UTS2: variants seen among roughly 807,000 people sequenced by gnomAD.
UTS2 encodes urotensin-2.
UTS2 carries 10 observed loss-of-function variants against 12.6 expected under a neutral mutation model. That is an observed-to-expected ratio of 0.80 (90% CI 0.49 to 1.35). UTS2 has a LOEUF of 1.35. UTS2 is among the 40% of genes most tolerant of loss of function. UTS2 has a pLI of 0.00. For synonymous variants in UTS2, 52 were observed against 50.0 expected (o/e 1.04, Z -0.17); for missense variants, 142 against 143.2 (o/e 0.99, Z 0.04).
At chr1:7,876,329 T>C in the UTS2 span, among the ~76,000 whole-genome samples, 5 of 152,160 alleles carry the variant, frequency 3.3e-5, no homozygotes, top group African/African-American at 9.7e-5. Context: ...GGCCGAGGAA[T>C]TGACCCATCC....
chr1:7,909,546 C>CA, the UTS2 span, among the ~76,000 whole-genome samples: 108 of 104,136 alleles, frequency 1.0e-3, no homozygotes, highest in African/African-American at 1.2e-3. Flanking sequence ...GACTCTGTCT[C>CA]AAAAAAAAAA....
the UTS2 span, among the ~76,000 whole-genome samples, chr1:7,899,060 C>A: frequency 6.6e-6 from 1 of 152,158 alleles, no homozygotes; most frequent in East Asian, 1.9e-4. Context: ...GCACATCTTA[C>A]ATGGCCAAAA....
At chr1:7,890,976 C>T in the UTS2 span, among the ~76,000 whole-genome samples, 1 of 148,740 alleles carries the variant, frequency 6.7e-6, no homozygotes, top group African/African-American at 2.5e-5. Flanking sequence ...CACCCCCCCC[C>T]ACAAAACTGG....
chr1:7,883,006 T>G, the UTS2 span, among the ~76,000 whole-genome samples: 1 of 152,064 alleles, frequency 6.6e-6, no homozygotes, highest in Non-Finnish European at 1.5e-5. Context: ...GTGTGGAGGT[T>G]TCTCAAAAAA....
the UTS2 span, among the ~76,000 whole-genome samples, chr1:7,911,758 G>A: frequency 1.3e-5 from 2 of 152,020 alleles, no homozygotes; most frequent in African/African-American, 4.8e-5. Flanking sequence ...AAAAATTAGC[G>A]GGAGTGGTGG....
At chr1:7,876,196 A>G in the UTS2 span, among the ~76,000 whole-genome samples, 1 of 152,108 alleles carries the variant, frequency 6.6e-6, no homozygotes, top group South Asian at 2.1e-4. Flanking sequence ...GGTGCCCATG[A>G]ACATTGTCTG....
the UTS2 span, among the ~76,000 whole-genome samples, chr1:7,912,864 C>T: frequency 1.3e-5 from 2 of 152,102 alleles, no homozygotes; most frequent in African/African-American, 2.4e-5. Context: ...TCTCCATTCA[C>T]TTGTAACCAC....
At chr1:7,902,562 TA>T in the UTS2 span, among the ~76,000 whole-genome samples, 5 of 152,116 alleles carry the variant, frequency 3.3e-5, no homozygotes, top group African/African-American at 1.2e-4. Flanking sequence ...GCGTCCCTAC[TA>T]AGGAGCCTCC....
the UTS2 span, among the ~76,000 whole-genome samples, chr1:7,875,662 C>G: frequency 6.6e-6 from 1 of 152,136 alleles, no homozygotes; most frequent in Admixed American, 6.5e-5. Context: ...GGGACTGACC[C>G]AGCCCACCCA....
chr1:7,885,550 T>C, the UTS2 span, among the ~76,000 whole-genome samples: 1 of 152,180 alleles, frequency 6.6e-6, no homozygotes, highest in South Asian at 2.1e-4. Context: ...CCTCCACTCC[T>C]GCTGCCTAGA....
the UTS2 span, among the ~76,000 whole-genome samples, chr1:7,864,916 C>T: frequency 9.6e-6 from 1 of 103,818 alleles, no homozygotes; most frequent in Non-Finnish European, 2.2e-5. Context: ...ACAGCGGTCC[C>T]TCTGTGTGTC....
the UTS2 span, among the ~76,000 whole-genome samples, chr1:7,911,879 C>T: frequency 0.073 from 10,153 of 138,502 alleles, 1,194 homozygotes; most frequent in African/African-American, 0.26. Context: ...CCAGCCTGGG[C>T]GACAGAGTGA....
chr1:7,912,774 C>G, the UTS2 span, among the ~76,000 whole-genome samples: 1 of 152,020 alleles, frequency 6.6e-6, no homozygotes, highest in Non-Finnish European at 1.5e-5. Context: ...TGGAACAGCT[C>G]TCCTCCCTCC....
chr1:7,873,060 G>A, the UTS2 span, among the ~76,000 whole-genome samples: 2 of 152,172 alleles, frequency 1.3e-5, no homozygotes, highest in African/African-American at 4.8e-5. Flanking sequence ...GAACAATGAA[G>A]CTTAAATGAC....
At chr1:7,902,538 G>A in the UTS2 span, among the ~76,000 whole-genome samples, 6 of 152,192 alleles carry the variant, frequency 3.9e-5, no homozygotes, top group East Asian at 1.2e-3. Flanking sequence ...GGACTATTAA[G>A]TTATGGGGGA....
At position 7,850,936 on chromosome 1, in the gene UTS2, A is replaced by C; in HGVS notation, c.104-14T>G. Reference sequence around the variant, plus strand: ...CTTCATGAGGTGCTACAGAGTAAAAACAGATACTTAGAATTGGGTTCATCC... The same window carrying C: ...CTTCATGAGGTGCTACAGAGTAAAACCAGATACTTAGAATTGGGTTCATCC... On this transcript the variant is annotated splice_polypyrimidine_tract_variant and intron_variant, in intron 1 of 3. Coordinates refer to ENST00000361696, the MANE Select transcript of UTS2 (RefSeq NM_006786.4). 6.2e-7 allele frequency: 1 copy of C among 1,613,300 alleles called. No individual in the cohort carries two copies. Among genetic ancestry groups the C allele is most frequent in the East Asian group, 2.2e-5 (1 of 44,876 alleles).
the UTS2 span, among the ~76,000 whole-genome samples, chr1:7,913,075 T>C: frequency 1.3e-5 from 2 of 151,708 alleles, no homozygotes; most frequent in African/African-American, 2.4e-5. Flanking sequence ...ATAGTCGATT[T>C]ACAAACCAAA....
the UTS2 span, among the ~76,000 whole-genome samples, chr1:7,890,964 T>TCCCCCC: frequency 3.5e-4 from 29 of 82,886 alleles, 1 homozygote; most frequent in Non-Finnish European, 4.6e-4. Flanking sequence ...TGTGATACCC[T>TCCCCCC]CCACCCCCCC....
the UTS2 span, among the ~76,000 whole-genome samples, chr1:7,888,209 C>G: frequency 6.6e-6 from 1 of 152,236 alleles, no homozygotes; most frequent in Admixed American, 6.5e-5. Flanking sequence ...ACATCTGTCT[C>G]TCTAATCCTC....
Sources: gnomAD v4.1 joint callset for allele counts (sites outside exome capture counted in the v4.1 genomes callset) on GRCh38, gnomAD v4.1.1 for gene constraint, MANE v1.5 for transcripts, NCBI Gene and HGNC (gene_info 2026-07-23, HGNC 2026-07-21) for gene names.